The following PCDH9 variants were observed in gnomAD, a reference collection of about 807,000 sequenced individuals.
PCDH9 encodes the protein protocadherin 9, also known as protocadherin-9.
PCDH9 carries 24 observed loss-of-function variants against 70.6 expected under a neutral mutation model. That is an observed-to-expected ratio of 0.34 (90% CI 0.25 to 0.48). The LOEUF is 0.48. Ranked by LOEUF, PCDH9 falls within the 20% of genes least tolerant of loss-of-function variation. The probability of loss-of-function intolerance (pLI) is 0.99; values close to 1 mark genes in which losing one functional copy is unlikely to be tolerated. For synonymous variants in PCDH9, 562 were observed against 558.5 expected, an observed-to-expected ratio of 1.01 and a Z score of -0.09; for missense variants, 1,281 against 1,503.6, an observed-to-expected ratio of 0.85 and a Z score of 2.45.
Position 66,988,715 on chromosome 13 carries a change from G to A in PCDH9, c.3037-85110C>T, listed in dbSNP as rs539853796. On this transcript the variant is annotated intron_variant, in intron 2 of 4. Coordinates refer to ENST00000377865, the MANE Select transcript of PCDH9 (RefSeq NM_203487.3). ...AGAATTTCAGAGTTTGATTCAATAG[G>A]GACAGTCATCTATTCTTATTTATTT... 5.9e-5 allele frequency among the ~76,000 whole-genome samples: 9 copies of A among 152,014 alleles called. No homozygotes were observed. In the South Asian group the frequency reaches 1.7e-3, roughly 28 times the overall value.
chr13:67,004,314 T>A (rs1328632736), intron 2 of PCDH9, among the ~76,000 whole-genome samples: 1 of 151,694 alleles, frequency 6.6e-6, no homozygotes, highest in African/African-American at 2.4e-5. Context: ...CTCGCACCTG[T>A]AATCCCAGCA....
At chr13:66,701,940 A>G (rs2078653181) in intron 3 of PCDH9, among the ~76,000 whole-genome samples, 1 of 152,122 alleles carries the variant, frequency 6.6e-6, no homozygotes, top group Non-Finnish European at 1.5e-5. Context: ...GTCTAACTAA[A>G]TGAGTCCCTT....
chr13:66,679,737 T>C (rs1313227925), intron 3 of PCDH9, among the ~76,000 whole-genome samples: 1 of 151,930 alleles, frequency 6.6e-6, no homozygotes, highest in Non-Finnish European at 1.5e-5. Flanking sequence ...TTGTTTTTAG[T>C]AATATAATAT....
At chr13:66,569,737 A>G (rs12867375) in intron 4 of PCDH9, among the ~76,000 whole-genome samples, 40,682 of 151,970 alleles carry the variant, frequency 0.27, 5,671 homozygotes, top group South Asian at 0.35. Context: ...AAGAGATGGG[A>G]TGATTAAGTA....
chr13:67,134,985 T>G (rs377244616), intron 2 of PCDH9, among the ~76,000 whole-genome samples: 2 of 152,124 alleles, frequency 1.3e-5, no homozygotes, highest in Non-Finnish European at 2.9e-5. Context: ...GTGAAAACTT[T>G]CCAGTCCCTT....
intron 2 of PCDH9, among the ~76,000 whole-genome samples, chr13:66,924,307 T>C (rs2082682653): frequency 1.3e-5 from 2 of 151,894 alleles, no homozygotes; most frequent in African/African-American, 4.8e-5. Context: ...TTTCAGGTAA[T>C]ACTGTTTTGA....
chr13:66,954,999 G>A (rs541198760), intron 2 of PCDH9, among the ~76,000 whole-genome samples: 38 of 152,192 alleles, frequency 2.5e-4, no homozygotes, highest in Admixed American at 1.8e-3. Context: ...TCCTGACCTC[G>A]TGATCTGCCC....
Position 66,498,174 on chromosome 13 carries a change from C to T in PCDH9, c.3340+133036G>A, listed in dbSNP as rs140786904. Reference sequence around the variant, plus strand: ...TTATTTTTTTTTTGAGACCAAGTCTCGCTCTGTCGCCCAGGCTGGAGTGCA... The same window carrying T: ...TTATTTTTTTTTTGAGACCAAGTCTTGCTCTGTCGCCCAGGCTGGAGTGCA... On this transcript the variant is annotated intron_variant, in intron 4 of 4. Coordinates refer to ENST00000377865, the MANE Select transcript of PCDH9 (RefSeq NM_203487.3). Among the ~76,000 whole-genome samples, 678 of 147,738 alleles carry T rather than the reference C, an allele frequency of 4.6e-3. 29 individuals are homozygous for T. In the East Asian group the frequency reaches 0.092, roughly 20 times the overall value.
intron 4 of PCDH9, among the ~76,000 whole-genome samples, chr13:66,475,063 A>G (rs776783543): frequency 6.6e-6 from 1 of 152,152 alleles, no homozygotes; most frequent in Non-Finnish European, 1.5e-5. Context: ...AAGGACTTCC[A>G]GACTGGTAGA....
At chr13:66,640,177 A>C (rs2077689564) in intron 3 of PCDH9, among the ~76,000 whole-genome samples, 3 of 152,196 alleles carry the variant, frequency 2.0e-5, no homozygotes, top group Admixed American at 2.0e-4. Flanking sequence ...CAGATACAAC[A>C]TACGGTTTTA....
rs140798075 is a variant in PCDH9, at chr13:66,963,907, C to G, written c.3037-60302G>C. The stretch of plus-strand genomic sequence containing the variant: ...TATTTTTTTGTGGAAATAGGTGTAA[C>G]ATGTTAGATGTTCTCTTAGGTTAAG... On this transcript the variant is annotated intron_variant, in intron 2 of 4. Coordinates refer to ENST00000377865, the MANE Select transcript of PCDH9 (RefSeq NM_203487.3). Among the ~76,000 whole-genome samples the G allele has an allele frequency of 3.6e-3, 546 of 151,978 alleles. 4 individuals are homozygous for G. The highest frequency in any genetic ancestry group is 0.012 in the African/African-American group (491 of 41,474).
At chr13:66,669,946 T>A (rs1446006655) in intron 3 of PCDH9, among the ~76,000 whole-genome samples, 1 of 152,206 alleles carries the variant, frequency 6.6e-6, no homozygotes, top group Non-Finnish European at 1.5e-5. Flanking sequence ...CTCTTTTGTT[T>A]TTTTGTAAAT....
chr13:66,568,562 C>T (rs2076685892), intron 4 of PCDH9, among the ~76,000 whole-genome samples: 1 of 133,044 alleles, frequency 7.5e-6, no homozygotes, highest in Admixed American at 7.4e-5. Context: ...GTCCCATCTA[C>T]TCAGGAGTTT....
intron 2 of PCDH9, among the ~76,000 whole-genome samples, chr13:67,031,963 T>C (rs896940571): frequency 6.6e-6 from 1 of 152,026 alleles, no homozygotes; most frequent in South Asian, 2.1e-4. Context: ...AAGAAAAAAA[T>C]AATAATTTTG....
intron 2 of PCDH9, among the ~76,000 whole-genome samples, chr13:67,024,740 G>A (rs1289645770): frequency 6.6e-6 from 1 of 152,052 alleles, no homozygotes; most frequent in Non-Finnish European, 1.5e-5. Flanking sequence ...TTGAGACACT[G>A]AAGAAAATAG....
chr13:66,582,568 G>T (rs1241782690), intron 4 of PCDH9, among the ~76,000 whole-genome samples: 1 of 152,114 alleles, frequency 6.6e-6, no homozygotes, highest in Non-Finnish European at 1.5e-5. Flanking sequence ...GGGAGGTGGA[G>T]GTTGCAGTGA....
intron 2 of PCDH9, among the ~76,000 whole-genome samples, chr13:66,978,180 A>G (rs1044604758): frequency 1.7e-4 from 26 of 152,110 alleles, no homozygotes; most frequent in African/African-American, 6.3e-4. Flanking sequence ...GTTAGTTTGG[A>G]GTTTTGTTGT....
intron 2 of PCDH9, among the ~76,000 whole-genome samples, chr13:67,082,674 T>C (rs934458092): frequency 6.6e-6 from 1 of 152,190 alleles, no homozygotes. Context: ...TATCTCTTTA[T>C]ATTATGTTAT....
At chr13:66,779,394 T>A (rs557752793) in intron 3 of PCDH9, among the ~76,000 whole-genome samples, 1 of 152,202 alleles carries the variant, frequency 6.6e-6, no homozygotes, top group South Asian at 2.1e-4. Flanking sequence ...AATGGGATCT[T>A]ATTCAGACCT....
Sources: allele counts gnomAD v4.1 joint callset (sites outside exome capture counted in the v4.1 genomes callset), GRCh38; gene constraint gnomAD v4.1.1; transcripts MANE v1.5; gene names NCBI Gene and HGNC (gene_info 2026-07-23, HGNC 2026-07-21).